SEMA3C: variants seen among roughly 807,000 people sequenced by gnomAD.
SEMA3C encodes semaphorin 3C.
A neutral mutation model predicts 89.4 loss-of-function variants in SEMA3C; 47 were observed. That is an observed-to-expected ratio of 0.53 (90% CI 0.42 to 0.67). The LOEUF is 0.67. Ranked by LOEUF, SEMA3C falls within the 30% of genes least tolerant of loss-of-function variation. SEMA3C has a pLI of 0.00. For synonymous variants in SEMA3C, 310 were observed against 320.2 expected (o/e 0.97, Z 0.34); for missense variants, 839 against 929.1 (o/e 0.90, Z 1.26).
chr7:80,755,978 G>A (rs545033102), intron 15 of SEMA3C, among the ~76,000 whole-genome samples: 2 of 152,150 alleles, frequency 1.3e-5, no homozygotes, highest in South Asian at 2.1e-4. Context: ...GTCTTGGAAC[G>A]CATCTACGAG....
chr7:80,917,678 T>C (rs577824599), intron 1 of SEMA3C, among the ~76,000 whole-genome samples: 44 of 152,326 alleles, frequency 2.9e-4, no homozygotes, highest in African/African-American at 1.0e-3. Context: ...ACAGGAGCTC[T>C]AGTGGCTACA....
chr7:80,898,668 C>G (rs1791799262), intron 2 of SEMA3C, among the ~76,000 whole-genome samples: 1 of 148,846 alleles, frequency 6.7e-6, no homozygotes, highest in African/African-American at 2.6e-5. Context: ...TCAGGACACG[C>G]AGGTAGGGAA....
chr7:80,824,627 T>G (rs1789829473), intron 4 of SEMA3C, among the ~76,000 whole-genome samples: 5 of 152,204 alleles, frequency 3.3e-5, no homozygotes, highest in Admixed American at 2.0e-4. Context: ...CTGTGCTTTG[T>G]GTGTGTCCCT....
At chr7:80,843,491 C>A (rs1261908909) in intron 2 of SEMA3C, among the ~76,000 whole-genome samples, 3 of 152,028 alleles carry the variant, frequency 2.0e-5, no homozygotes, top group Non-Finnish European at 4.4e-5. Context: ...AGGCAACTTA[C>A]TTAAATTATT....
chr7:80,853,460 T>C (rs1193685557), intron 2 of SEMA3C, among the ~76,000 whole-genome samples: 1 of 152,190 alleles, frequency 6.6e-6, no homozygotes, highest in Non-Finnish European at 1.5e-5. Context: ...GATCCTGTCA[T>C]TTGCACAACA....
chr7:80,846,681 T>G (rs532829211), intron 2 of SEMA3C, among the ~76,000 whole-genome samples: 24 of 152,210 alleles, frequency 1.6e-4, no homozygotes, highest in Non-Finnish European at 2.8e-4. Context: ...ATATAAAGAC[T>G]GTCCTGATTC....
At position 80,745,262 on chromosome 7, in the gene SEMA3C, T is replaced by A; in HGVS notation, c.1888A>T (p.Ile630Phe). Residue 630 changes from isoleucine (I) to phenylalanine (F), a missense_variant, in exon 18 of 18, where the codon ATC becomes TTC. Coordinates refer to ENST00000265361, the MANE Select transcript of SEMA3C (RefSeq NM_006379.5). ...TGGTCAGAACCCTGAACAGAGCGGA[T>A]CAGGAGTCCCTGTGAAGTGGCTATT... ...RIIATSQGLL[I>F]RSVQGSDQGL... 1 of 1,613,990 alleles carries A rather than the reference T, an allele frequency of 6.2e-7. No homozygotes were observed. Among genetic ancestry groups the A allele is most frequent in the Admixed American group, 1.7e-5 (1 of 59,968 alleles).
chr7:80,912,730 T>A (rs1792181055), intron 2 of SEMA3C, among the ~76,000 whole-genome samples: 1 of 152,180 alleles, frequency 6.6e-6, no homozygotes. Context: ...AACACAAACC[T>A]GAGAAGATTC....
chr7:80,746,657 G>A (rs1190672616), intron 17 of SEMA3C, among the ~76,000 whole-genome samples: 3 of 150,438 alleles, frequency 2.0e-5, no homozygotes, highest in Non-Finnish European at 4.4e-5. Context: ...ATATTCATAC[G>A]ATGGAATATT....
intron 2 of SEMA3C, among the ~76,000 whole-genome samples, chr7:80,868,346 C>T (rs1001629657): frequency 3.3e-5 from 5 of 152,148 alleles, no homozygotes; most frequent in African/African-American, 1.2e-4. Context: ...CAGCTCACTG[C>T]AACCTCCACC....
chr7:80,828,518 A>G, intron 3 of SEMA3C, 67 bp downstream of exon 3: 1 of 1,299,470 alleles, frequency 7.7e-7, no homozygotes, highest in Non-Finnish European at 1.1e-6. Context: ...TTTTTTACTT[A>G]TTTATTTTTT....
intron 11 of SEMA3C, among the ~76,000 whole-genome samples, chr7:80,792,249 A>G (rs1788961548): frequency 6.6e-6 from 1 of 152,238 alleles, no homozygotes; most frequent in Non-Finnish European, 1.5e-5. Context: ...CTTCTGCAAA[A>G]TATAGAATTA....
intron 5 of SEMA3C, 78 bp from the exon 6 acceptor site, chr7:80,810,779 C>T (rs971335968): frequency 3.6e-6 from 4 of 1,118,488 alleles, no homozygotes; most frequent in African/African-American, 3.1e-5. Flanking sequence ...TAAAACAAAG[C>T]ATCATTAAAA....
chr7:80,858,006 A>G (rs561329695), intron 2 of SEMA3C, among the ~76,000 whole-genome samples: 2 of 152,230 alleles, frequency 1.3e-5, no homozygotes, highest in South Asian at 4.1e-4. Context: ...TAATATTCAG[A>G]TATCAGATTA....
chr7:80,887,605 C>T (rs1420130203), intron 2 of SEMA3C, among the ~76,000 whole-genome samples: 1 of 152,074 alleles, frequency 6.6e-6, no homozygotes, highest in Non-Finnish European at 1.5e-5. Context: ...AGACTATTAC[C>T]ATCTATCTGT....
At chr7:80,747,954 C>G (rs918029532) in intron 17 of SEMA3C, among the ~76,000 whole-genome samples, 37 of 152,108 alleles carry the variant, frequency 2.4e-4, no homozygotes, top group Non-Finnish European at 2.2e-4. Context: ...ATGAAACCAA[C>G]ATTTATTTCC....
At chr7:80,905,852 C>G (rs1220835005) in intron 2 of SEMA3C, 2 of 1,289,618 alleles carry the variant, frequency 1.6e-6, no homozygotes, top group East Asian at 1.1e-4. Context: ...TGCTGAGGAC[C>G]AAATTCACGC....
At chr7:80,807,490 T>C (rs1344537679) in intron 6 of SEMA3C, among the ~76,000 whole-genome samples, 1 of 152,214 alleles carries the variant, frequency 6.6e-6, no homozygotes, top group Middle Eastern at 3.2e-3. Context: ...TAAGAAATTT[T>C]TGATAAATGT....
At chr7:80,881,436 C>T (rs1791337819) in intron 2 of SEMA3C, among the ~76,000 whole-genome samples, 1 of 152,018 alleles carries the variant, frequency 6.6e-6, no homozygotes, top group Non-Finnish European at 1.5e-5. Flanking sequence ...ACACTAGTTT[C>T]TAAGAAAACA....
Sources: gnomAD v4.1 joint callset for allele counts (sites outside exome capture counted in the v4.1 genomes callset) on GRCh38, gnomAD v4.1.1 for gene constraint, MANE v1.5 for transcripts, NCBI Gene and HGNC (gene_info 2026-07-23, HGNC 2026-07-21) for gene names.